PDE4B: variants seen among roughly 807,000 people sequenced by gnomAD.
PDE4B encodes phosphodiesterase 4B, also known as 3',5'-cyclic-AMP phosphodiesterase 4B.
Under a neutral mutation model 82.2 loss-of-function variants are expected in PDE4B, and 20 were observed. The ratio of observed to expected loss-of-function variants is 0.24; its 90% CI spans 0.17 to 0.35. The LOEUF (loss-of-function observed/expected upper bound fraction) is 0.35, where lower values mean the gene tolerates loss of function less well. PDE4B is among the 10% of genes least tolerant of loss of function. PDE4B has a pLI of 1.00. For missense variants in PDE4B, 655 were observed against 907.2 expected, an observed-to-expected ratio of 0.72 and a Z score of 3.57; for synonymous variants, 320 against 318.9, an observed-to-expected ratio of 1.00 and a Z score of -0.04.
intron 2 of PDE4B, among the ~76,000 whole-genome samples, chr1:65,916,446 A>C (rs1647160793): frequency 6.6e-6 from 1 of 152,094 alleles, no homozygotes; most frequent in African/African-American, 2.4e-5. Context: ...TCATATTAGG[A>C]GGTTAGGGTG....
intron 7 of PDE4B, among the ~76,000 whole-genome samples, chr1:66,277,639 G>A (rs923279729): frequency 7.2e-5 from 11 of 152,006 alleles, no homozygotes; most frequent in South Asian, 4.1e-4. Flanking sequence ...CGTGATCTGC[G>A]TGCCTCGGCC....
chr1:66,284,105 A>G (rs1483041356), intron 7 of PDE4B, among the ~76,000 whole-genome samples: 2 of 152,190 alleles, frequency 1.3e-5, no homozygotes, highest in Non-Finnish European at 2.9e-5. Flanking sequence ...ACGCAGTGTA[A>G]TAAGAATTTT....
intron 3 of PDE4B, among the ~76,000 whole-genome samples, chr1:65,947,921 G>T (rs1569783392): frequency 6.7e-6 from 1 of 148,734 alleles, no homozygotes; most frequent in East Asian, 2.0e-4. Flanking sequence ...AACTAATACA[G>T]ATGCAATATA....
intron 3 of PDE4B, among the ~76,000 whole-genome samples, chr1:66,246,653 A>G (rs556998109): frequency 1.3e-5 from 2 of 152,224 alleles, no homozygotes; most frequent in Non-Finnish European, 2.9e-5. Flanking sequence ...AACAAGAGAC[A>G]AAATCTCTAC....
At chr1:65,814,467 G>C (rs1257688344) in intron 1 of PDE4B, among the ~76,000 whole-genome samples, 1 of 151,988 alleles carries the variant, frequency 6.6e-6, no homozygotes, top group Non-Finnish European at 1.5e-5. Flanking sequence ...TTGAGATACT[G>C]CTTAAGTACA....
intron 3 of PDE4B, among the ~76,000 whole-genome samples, chr1:65,985,529 C>T (rs1471234712): frequency 6.6e-6 from 1 of 152,122 alleles, no homozygotes; most frequent in African/African-American, 2.4e-5. Flanking sequence ...AACTTTGTTT[C>T]TAACAGCTAT....
At chr1:65,860,321 G>A (rs141643197) in intron 1 of PDE4B, among the ~76,000 whole-genome samples, 1,658 of 152,256 alleles carry the variant, frequency 0.011, 37 homozygotes, top group African/African-American at 0.038. Flanking sequence ...TCCTGTGTTA[G>A]TTTGCTGAGA....
rs72685032 is a variant in PDE4B at position 65,819,505 on chromosome 1, T to G, written c.-71+26257T>G. Among the ~76,000 whole-genome samples the G allele has an allele frequency of 6.6e-3, 859 of 130,918 alleles. 19 individuals carry two copies. Among genetic ancestry groups the G allele is most frequent in the African/African-American group, 0.023 (718 of 31,806 alleles). 85.9% of individuals were successfully genotyped at this position (130,918 alleles called of 152,430 possible). A position where few individuals can be genotyped will look rare whatever the true frequency, so the allele number is the denominator to read the frequency against. On this transcript the variant is annotated intron_variant, in intron 1 of 16. Coordinates refer to ENST00000341517, the MANE Select transcript of PDE4B (RefSeq NM_002600.4). ...TATTCTCTTGTTTGTTTTTGTTTTG[T>G]TTTTTTTTTTTTTTGAGACAGAGTC...
At chr1:66,155,248 T>C (rs1646480161) in intron 3 of PDE4B, among the ~76,000 whole-genome samples, 1 of 152,110 alleles carries the variant, frequency 6.6e-6, no homozygotes, top group Admixed American at 6.6e-5. Flanking sequence ...TTTCTTCTGC[T>C]CTCCTTCCCT....
chr1:66,331,345 C>T (rs923562801), intron 7 of PDE4B, among the ~76,000 whole-genome samples: 4 of 152,098 alleles, frequency 2.6e-5, no homozygotes, highest in Non-Finnish European at 5.9e-5. Flanking sequence ...CAAAAACAGT[C>T]GTGTATATAG....
At chr1:66,369,963 C>A (rs998925198) in intron 16 of PDE4B, among the ~76,000 whole-genome samples, 1 of 151,814 alleles carries the variant, frequency 6.6e-6, no homozygotes, top group Non-Finnish European at 1.5e-5. Context: ...GCCTGGCCAA[C>A]ATGGTGAAAC....
chr1:66,337,141 G>A (rs1660585594), intron 8 of PDE4B, among the ~76,000 whole-genome samples: 1 of 152,194 alleles, frequency 6.6e-6, no homozygotes, highest in Non-Finnish European at 1.5e-5. Context: ...TCCTTGAAAG[G>A]AATATTCATG....
chr1:66,357,345 C>T (rs1176755058), intron 9 of PDE4B, among the ~76,000 whole-genome samples: 1 of 152,032 alleles, frequency 6.6e-6, no homozygotes, highest in African/African-American at 2.4e-5. Context: ...TCTTTTTTAT[C>T]ACCATAGTCT....
chr1:66,183,654 G>A (rs918500731), intron 3 of PDE4B, among the ~76,000 whole-genome samples: 2 of 152,172 alleles, frequency 1.3e-5, no homozygotes, highest in African/African-American at 4.8e-5. Context: ...AAAACTATAA[G>A]GCAGATGTTA....
At chr1:66,288,663 A>G (rs953142758) in intron 7 of PDE4B, among the ~76,000 whole-genome samples, 6 of 152,164 alleles carry the variant, frequency 3.9e-5, no homozygotes, top group African/African-American at 1.4e-4. Flanking sequence ...GGTTTTCTGA[A>G]GCTCAAGCTA....
At chr1:65,921,388 G>A (rs946888015) in intron 3 of PDE4B, among the ~76,000 whole-genome samples, 1 of 152,072 alleles carries the variant, frequency 6.6e-6, no homozygotes, top group Admixed American at 6.5e-5. Context: ...AGAAGTGAGG[G>A]AACTGGGTTC....
rs148426343 is a variant in PDE4B at position 65,847,630 on chromosome 1, A to C, written c.-71+54382A>C. 4.5e-3 allele frequency among the ~76,000 whole-genome samples: 679 copies of C among 152,342 alleles called. 3 individuals carry two copies. Among genetic ancestry groups the C allele is most frequent in the Non-Finnish European group, 7.7e-3 (521 of 68,028 alleles). The stretch of plus-strand genomic sequence containing the variant: ...GTCATGATTTTCTGCAGTTCTCAGC[A>C]GCCTGTGAGTGGCACAACTGAAATC... On this transcript the variant is annotated intron_variant, in intron 1 of 16. Coordinates refer to ENST00000341517, the MANE Select transcript of PDE4B (RefSeq NM_002600.4).
chr1:65,797,533 G>T (rs11804553), intron 1 of PDE4B, among the ~76,000 whole-genome samples: 53,997 of 151,948 alleles, frequency 0.36, 10,418 homozygotes, highest in East Asian at 0.65. Flanking sequence ...CTGTTAGTCT[G>T]CCTGGTTTGT....
At chr1:66,262,603 ATACCAC>A (rs1654766589) in intron 6 of PDE4B, among the ~76,000 whole-genome samples, 1 of 152,324 alleles carries the variant, frequency 6.6e-6, no homozygotes, top group South Asian at 2.1e-4. Flanking sequence ...TGAGCAACCA[ATACCAC>A]TTTCCTCTGG....
Sources: allele counts gnomAD v4.1 joint callset (sites outside exome capture counted in the v4.1 genomes callset), GRCh38; gene constraint gnomAD v4.1.1; transcripts MANE v1.5; gene names NCBI Gene and HGNC (gene_info 2026-07-23, HGNC 2026-07-21).